ZNF107: variants seen among roughly 807,000 people sequenced by gnomAD.
ZNF107 encodes C2H2 type zinc-finger protein.
A neutral mutation model predicts 12.3 loss-of-function variants in ZNF107; 19 were observed. The observed-to-expected ratio is 1.55, with a 90% CI of 1.08 to 2.27. The LOEUF is 2.27. ZNF107 is among the 30% of genes most tolerant of loss of function. The pLI is 0.00. For missense variants in ZNF107, 958 were observed against 979.9 expected, an observed-to-expected ratio of 0.98 and a Z score of 0.30; for synonymous variants, 317 against 330.5, an observed-to-expected ratio of 0.96 and a Z score of 0.44.
At chr7:64,697,852 C>T (rs1358755471) in intron 3 of ZNF107, among the ~76,000 whole-genome samples, 2 of 152,020 alleles carry the variant, frequency 1.3e-5, no homozygotes, top group Non-Finnish European at 2.9e-5. Context: ...CCACCACGCC[C>T]GGCTAATTTT....
At chr7:64,678,329 A>T (rs1324312039) in intron 1 of ZNF107, among the ~76,000 whole-genome samples, 1 of 152,254 alleles carries the variant, frequency 6.6e-6, no homozygotes, top group African/African-American at 2.4e-5. Context: ...TGGATTATCC[A>T]ACGTAATTAT....
rs190804844 is a variant in ZNF107 at position 64,710,320 on chromosome 7, T to C, written c.*1664T>C. On this transcript the variant is annotated 3_prime_UTR_variant, in exon 4 of 4. Transcript: ENST00000620827. Reference sequence around the variant, plus strand: ...TTGGAGAAAAGCACTGTAAATGTAATGCATTTGTGAAAACATTTTTTAAAA... The same window carrying C: ...TTGGAGAAAAGCACTGTAAATGTAACGCATTTGTGAAAACATTTTTTAAAA... 1 of 152,266 alleles carries C rather than the reference T, an allele frequency of 6.6e-6. No homozygotes were observed. Among genetic ancestry groups the C allele is most frequent in the Admixed American group, 6.5e-5 (1 of 15,298 alleles). The allele number at this position is 152,266 out of a possible 1,614,324, so 9.4% of individuals were successfully genotyped here. A position where few individuals can be genotyped will look rare whatever the true frequency, so the allele number is the denominator to read the frequency against.
intron 1 of ZNF107, chr7:64,679,293 C>T: frequency 3.0e-6 from 3 of 985,148 alleles, no homozygotes; most frequent in Non-Finnish European, 3.6e-6. Flanking sequence ...GACCTCGGTA[C>T]CTCGGACCAG....
chr7:64,697,387 C>A (rs933227832), intron 3 of ZNF107, among the ~76,000 whole-genome samples: 2 of 152,152 alleles, frequency 1.3e-5, no homozygotes, highest in Non-Finnish European at 2.9e-5. Context: ...CCTGAGGAAT[C>A]GCCACACCGA....
At chr7:64,679,731 C>A (rs1424452338) in intron 1 of ZNF107, among the ~76,000 whole-genome samples, 2 of 152,166 alleles carry the variant, frequency 1.3e-5, no homozygotes, top group Non-Finnish European at 2.9e-5. Context: ...TGTAATATGG[C>A]CTGGCCCCAA....
rs200864737 is a variant in ZNF107, at chr7:64,685,300, G to A, written c.4-5948G>A. ...CCTACTGTTCCATCAGTGCAACTAC[G>A]CCTTGCAGCTTCAAGCCCCAACTGA... is the stretch of plus-strand genomic sequence containing the variant. On this transcript the variant is annotated intron_variant, in intron 1 of 3. Transcript: ENST00000620827. Among the ~76,000 whole-genome samples the A allele has an allele frequency of 1.9e-4, 29 of 152,180 alleles. No individual in the cohort carries two copies. The East Asian group carries it at 1.9e-3, about 10-fold the overall frequency.
Position 64,711,108 on chromosome 7 carries a change from T to C in ZNF107, c.*2452T>C, listed in dbSNP as rs1790873829. The C allele has an allele frequency of 6.6e-6, 1 of 152,144 alleles. No homozygotes were observed. Among genetic ancestry groups the C allele is most frequent in the Non-Finnish European group, 1.5e-5 (1 of 67,980 alleles). 9.4% of individuals were successfully genotyped at this position (152,144 alleles called of 1,614,324 possible). ...ACTATTGTGCATTCAATGAAGTGTT[T>C]TCATGCCACTGACTTTACCTATCCC... On this transcript the variant is annotated 3_prime_UTR_variant, in exon 4 of 4. Transcript: ENST00000620827.
At position 64,706,304 on chromosome 7, in the gene ZNF107, A is replaced by T. The variant is rs770789317; in HGVS notation, c.227-20A>T. ...CTGAGTCTAGCAAGTGGAGTAATTT[A>T]TTATTTTTATTTCTTTCAGTAATGT... On this transcript the variant is annotated intron_variant, in intron 3 of 3. Transcript: ENST00000620827. 2 of 1,501,780 alleles carry T rather than the reference A, an allele frequency of 1.3e-6. No homozygotes were observed. Among genetic ancestry groups the T allele is most frequent in the South Asian group, 2.9e-5 (2 of 69,604 alleles). 93.0% of individuals were successfully genotyped at this position (1,501,780 alleles called of 1,614,324 possible).
rs1788992182 is a variant in ZNF107, at chr7:64,666,180, C to T, written c.-103C>T. The T allele has an allele frequency of 3.6e-5, 54 of 1,487,756 alleles. No homozygotes were observed. The highest frequency in any genetic ancestry group is 4.7e-5 in the Non-Finnish European group (51 of 1,078,136). 92.2% of individuals were successfully genotyped at this position (1,487,756 alleles called of 1,614,324 possible). On this transcript the variant is annotated 5_prime_UTR_variant, in exon 1 of 4. Transcript: ENST00000620827. ...GGAGCTCCTGCTCTCCTCCTCACTG[C>T]TCAGTGTCCTCTGCTCCTAGAGGCC...
At chr7:64,679,565 CTCTCCCTG>C (rs887911598) in intron 1 of ZNF107, among the ~76,000 whole-genome samples, 9 of 152,126 alleles carry the variant, frequency 5.9e-5, no homozygotes, top group African/African-American at 1.9e-4. Context: ...CCTCGTTTCT[CTCTCCCTG>C]TCTCTCTGTT....
intron 1 of ZNF107, among the ~76,000 whole-genome samples, chr7:64,685,521 C>T (rs1042613424): frequency 6.6e-6 from 1 of 152,188 alleles, no homozygotes; most frequent in African/African-American, 2.4e-5. Context: ...GCCTCCTTAT[C>T]CCCTCTTTCG....
At chr7:64,694,208 T>C in intron 3 of ZNF107, among the ~76,000 whole-genome samples, 1 of 152,250 alleles carries the variant, frequency 6.6e-6, no homozygotes, top group East Asian at 1.9e-4. Flanking sequence ...CCTGCCTGCA[T>C]GGCTACAAAT....
At chr7:64,702,545 A>G (rs1001835858) in intron 3 of ZNF107, among the ~76,000 whole-genome samples, 1 of 151,894 alleles carries the variant, frequency 6.6e-6, no homozygotes, top group Non-Finnish European at 1.5e-5. Flanking sequence ...TAACAGATTA[A>G]TATTTCATTT....
intron 3 of ZNF107, among the ~76,000 whole-genome samples, chr7:64,692,943 C>T (rs1462010839): frequency 6.6e-6 from 1 of 151,872 alleles, no homozygotes; most frequent in East Asian, 1.9e-4. Flanking sequence ...TGATCTGCAA[C>T]CAGCAACTTT....
intron 1 of ZNF107, chr7:64,684,816 G>A: frequency 1.2e-6 from 1 of 803,116 alleles, no homozygotes; most frequent in Non-Finnish European, 1.5e-6. Flanking sequence ...TATCCCTCCT[G>A]CTCCTTTGGC....
At chr7:64,671,011 A>G (rs1036660793) in intron 1 of ZNF107, among the ~76,000 whole-genome samples, 1 of 152,170 alleles carries the variant, frequency 6.6e-6, no homozygotes, top group Non-Finnish European at 1.5e-5. Context: ...TCAGAATTCA[A>G]ATGTTAAACA....
intron 1 of ZNF107, among the ~76,000 whole-genome samples, chr7:64,678,575 A>G (rs1789517971): frequency 6.6e-6 from 1 of 152,212 alleles, no homozygotes. Context: ...TCATTTTAGT[A>G]TTGTTATTCA....
intron 1 of ZNF107, chr7:64,686,406 G>A (rs1447188186): frequency 2.4e-5 from 13 of 548,428 alleles, no homozygotes; most frequent in South Asian, 8.0e-5. Flanking sequence ...CAATCTATGC[G>A]ACAAATGCTA....
chr7:64,672,565 A>G (rs941536067), intron 1 of ZNF107, among the ~76,000 whole-genome samples: 1 of 152,106 alleles, frequency 6.6e-6, no homozygotes, highest in Non-Finnish European at 1.5e-5. Flanking sequence ...GTTCTTCCAC[A>G]TTGCTCAGTC....
Sources: allele counts gnomAD v4.1 joint callset (sites outside exome capture counted in the v4.1 genomes callset), GRCh38; gene constraint gnomAD v4.1.1; transcripts MANE v1.5; gene names NCBI Gene and HGNC (gene_info 2026-07-23, HGNC 2026-07-21).